Variants in PNPLA4 observed in about 807,000 individuals in gnomAD.
PNPLA4 encodes patatin like domain 4, phospholipase and triacylglycerol lipase, also known as patatin-like phospholipase domain-containing protein 4.
Under a neutral mutation model 18.3 loss-of-function variants are expected in PNPLA4, and 15 were observed. The observed-to-expected ratio is 0.82, with a 90% CI of 0.55 to 1.26. The LOEUF (loss-of-function observed/expected upper bound fraction) is 1.26. PNPLA4 is among the 50% of genes most tolerant of loss of function. The pLI, the probability that PNPLA4 is intolerant of heterozygous loss-of-function variation, is 0.00. For missense variants in PNPLA4, 229 were observed against 196.8 expected (o/e 1.16, Z -0.98); for synonymous variants, 88 against 85.6 (o/e 1.03, Z -0.16).
intron 5 of PNPLA4, among the ~76,000 whole-genome samples, chrX:7,911,268 T>C (rs1378429378): frequency 8.9e-6 from 1 of 112,242 alleles, no homozygotes; most frequent in African/African-American, 3.2e-5. Flanking sequence ...AAATACTATA[T>C]TTGGTTATAA....
intron 5 of PNPLA4, among the ~76,000 whole-genome samples, chrX:7,906,457 T>C (rs1435694463): frequency 1.8e-5 from 2 of 111,928 alleles, no homozygotes; most frequent in Admixed American, 1.9e-4. Flanking sequence ...ACTCCAGATA[T>C]CTACTTTTGA....
chrX:7,927,576 C>T (rs996641779), upstream of PNPLA4: 1 of 113,639 alleles, frequency 8.8e-6, no homozygotes, highest in African/African-American at 3.2e-5. Context: ...CGTTTAGAGT[C>T]ATGTTATCTT....
intron 5 of PNPLA4, among the ~76,000 whole-genome samples, chrX:7,909,687 T>A (rs1392642417): frequency 9.0e-6 from 1 of 111,117 alleles, no homozygotes; most frequent in Non-Finnish European, 1.9e-5. Flanking sequence ...ATCTTCAGGG[T>A]GTGATCCTTG....
At chrX:7,908,728 A>C (rs1325257339) in intron 5 of PNPLA4, among the ~76,000 whole-genome samples, 1 of 112,062 alleles carries the variant, frequency 8.9e-6, no homozygotes, top group Non-Finnish European at 1.9e-5. Context: ...CTTTCAGGAG[A>C]CATAAGGTTC....
Position 7,921,814 on chromosome X carries a change from G to A in PNPLA4, c.310C>T (p.His104Tyr), listed in dbSNP as rs1336549189. 3 of 1,207,513 alleles carry A rather than the reference G, an allele frequency of 2.5e-6. No individual in the cohort carries two copies. Among genetic ancestry groups the A allele is most frequent in the Non-Finnish European group, 3.4e-6 (3 of 891,938 alleles). ...GMESILPPSA[H>Y]ELAQNRLHVS... is the part of the protein sequence containing the mutation. ...TGCAGTCGGTTCTGGGCCAGCTCGTGAGCGCTGGGAGGAAGAATCGACTCC... is the reference window on the plus strand; with the variant it reads ...TGCAGTCGGTTCTGGGCCAGCTCGTAAGCGCTGGGAGGAAGAATCGACTCC... Residue 104 changes from histidine (H) to tyrosine (Y), a missense_variant, in exon 4 of 7, where the codon CAC becomes TAC. By Grantham distance (83) the His-to-Tyr change is moderately conservative (BLOSUM62 2). Coordinates refer to ENST00000381042, the MANE Select transcript of PNPLA4 (RefSeq NM_004650.3).
chrX:7,908,540 A>G (rs1287377774), intron 5 of PNPLA4, among the ~76,000 whole-genome samples: 1 of 112,253 alleles, frequency 8.9e-6, no homozygotes, highest in Non-Finnish European at 1.9e-5. Context: ...TGGAAGCCCT[A>G]TTAGAATGTG....
chrX:7,914,383 A>C lies in PNPLA4; in HGVS notation c.412-2290T>G, dbSNP rs985924732. Among the ~76,000 whole-genome samples the C allele has an allele frequency of 1.0e-3, 116 of 111,896 alleles. 1 individual carries two copies. Among genetic ancestry groups the C allele is most frequent in the Non-Finnish European group, 1.9e-4 (10 of 53,193 alleles). ...AGGCATCTTCAACTCCAACCCTCTC[A>C]GTCCACCGGTAGCAATGACATCATT... On this transcript the variant is annotated intron_variant, in intron 4 of 6. Transcript: ENST00000381042.
In PNPLA4 at chrX:7,926,042, G is replaced by T. The variant is rs1924387856; in HGVS notation, c.78C>A (p.Cys26Ter). 1 of 1,209,656 alleles carries T rather than the reference G, an allele frequency of 8.3e-7. No homozygotes were observed. Among genetic ancestry groups the T allele is most frequent in the Admixed American group, 2.2e-5 (1 of 45,954 alleles). Residue 26 changes from cysteine (C) to a stop codon, truncating the protein, a stop_gained, in exon 2 of 7, where the codon TGC (cysteine) becomes TGA (stop). Coordinates refer to ENST00000381042, the MANE Select transcript of PNPLA4 (RefSeq NM_004650.3). LOFTEE classifies it high-confidence loss of function. ...IYHLGAASAL[C>*]RHGKKLVKDV... The stretch of plus-strand genomic sequence containing the variant: ...CCTTCACAAGTTTTTTGCCATGTCT[G>T]CAAAGTGCAGATGCTGCCCCCAAGT...
Position 7,921,789 on chromosome X carries a change from T to C in PNPLA4, c.335A>G (p.His112Arg). Residue 112 changes from histidine to arginine, a missense_variant, in exon 4 of 7, where the codon CAC becomes CGC. Coordinates refer to ENST00000381042, the MANE Select transcript of PNPLA4 (RefSeq NM_004650.3). ...GGTTTTGGCGTTGGTGATGGATACG[T>C]GCAGTCGGTTCTGGGCCAGCTCGTG... ...SAHELAQNRLHVSITNAKTRE... is the reference protein window; with the variant it reads ...SAHELAQNRLRVSITNAKTRE... 1 of 1,207,652 alleles carries C rather than the reference T, an allele frequency of 8.3e-7. No individual in the cohort carries two copies. Among genetic ancestry groups the C allele is most frequent in the Non-Finnish European group, 1.1e-6 (1 of 891,816 alleles).
At chrX:7,917,036 A>G (rs780704838) in intron 4 of PNPLA4, among the ~76,000 whole-genome samples, 2 of 112,484 alleles carry the variant, frequency 1.8e-5, no homozygotes, top group East Asian at 2.8e-4. Flanking sequence ...CACCTGTCTT[A>G]TAACAGTTTA....
chrX:7,904,383 T>C (rs920839457), intron 5 of PNPLA4, among the ~76,000 whole-genome samples: 1 of 112,177 alleles, frequency 8.9e-6, no homozygotes, highest in Non-Finnish European at 1.9e-5. Flanking sequence ...TTATTCTGAT[T>C]AGATAAATGA....
chrX:7,916,646 C>T (rs1313213540), intron 4 of PNPLA4, among the ~76,000 whole-genome samples: 1 of 111,932 alleles, frequency 8.9e-6, no homozygotes, highest in Non-Finnish European at 1.9e-5. Context: ...AGCCCACCAA[C>T]AACAGGGTTA....
intron 2 of PNPLA4, among the ~76,000 whole-genome samples, chrX:7,924,312 C>T (rs1924324073): frequency 9.0e-6 from 1 of 111,709 alleles, no homozygotes; most frequent in South Asian, 3.7e-4. Context: ...CAGTAAAAAG[C>T]TTGAGGAACT....
Position 7,900,816 on chromosome X carries a change from A to G in PNPLA4, c.632T>C (p.Leu211Ser), listed in dbSNP as rs1483128761. ...YVNIAKQDIM[L>S]SLANLVRLNQ... is the part of the protein sequence containing the mutation. Reference sequence around the variant, plus strand: ...GAGTCTCACCAGGTTTGCCAGGGACAACTAGAATAAAAAGACCAAAATTTA... The same window carrying G: ...GAGTCTCACCAGGTTTGCCAGGGACGACTAGAATAAAAAGACCAAAATTTA... The change falls in exon 7 of 7, where the codon TTG becomes TCG. Residue 211 changes from leucine to serine, a missense_variant and splice_region_variant. Physicochemically the swap from Leu to Ser is moderately radical, Grantham distance 145. Coordinates refer to ENST00000381042, the MANE Select transcript of PNPLA4 (RefSeq NM_004650.3). 17 of 1,195,196 alleles carry G rather than the reference A, an allele frequency of 1.4e-5. No individual in the cohort carries two copies. Among genetic ancestry groups the G allele is most frequent in the Non-Finnish European group, 1.8e-5 (16 of 887,517 alleles).
chrX:7,920,410 A>G (rs1186705017), intron 4 of PNPLA4, among the ~76,000 whole-genome samples: 1 of 112,165 alleles, frequency 8.9e-6, no homozygotes, highest in Non-Finnish European at 1.9e-5. Context: ...ATTATAGAAT[A>G]ATGTCTTTTT....
chrX:7,912,150 T>C, intron 4 of PNPLA4, 57 bp from the exon 5 acceptor site: 2 of 896,275 alleles, frequency 2.2e-6, no homozygotes, highest in Non-Finnish European at 3.3e-6. Flanking sequence ...ATTCAGACAA[T>C]ACAGTTGATG....
chrX:7,904,741 T>C (rs1439090616), intron 5 of PNPLA4, among the ~76,000 whole-genome samples: 1 of 112,514 alleles, frequency 8.9e-6, no homozygotes, highest in Non-Finnish European at 1.9e-5. Flanking sequence ...AACATATGGC[T>C]GTGAGTCATT....
chrX:7,902,976 A>G (rs17310972), intron 5 of PNPLA4, among the ~76,000 whole-genome samples: 10,790 of 111,664 alleles, frequency 0.097, 574 homozygotes, highest in East Asian at 0.42. Context: ...CACAACACAC[A>G]TGGAAATAAC....
At chrX:7,919,590 T>C (rs1924149644) in intron 4 of PNPLA4, among the ~76,000 whole-genome samples, 1 of 112,432 alleles carries the variant, frequency 8.9e-6, no homozygotes, top group African/African-American at 3.2e-5. Context: ...ACTTGGATAA[T>C]ATGGGATCAT....
Sources: gnomAD v4.1 joint callset for allele counts (sites outside exome capture counted in the v4.1 genomes callset) on GRCh38, gnomAD v4.1.1 for gene constraint, MANE v1.5 for transcripts, NCBI Gene and HGNC (gene_info 2026-07-23, HGNC 2026-07-21) for gene names.